Variants in KCTD8 observed in about 807,000 individuals in gnomAD.
KCTD8 encodes BTB/POZ domain-containing protein KCTD8.
In KCTD8, 27 loss-of-function variants were observed where a neutral mutation model predicts 31.5. That is an observed-to-expected ratio of 0.86 (90% CI 0.63 to 1.18). The LOEUF (loss-of-function observed/expected upper bound fraction) is 1.18, where lower values mean the gene tolerates loss of function less well. KCTD8 is among the 50% of genes most tolerant of loss of function. KCTD8 has a pLI of 0.00. For synonymous variants in KCTD8, 290 were observed against 280.0 expected, an observed-to-expected ratio of 1.04 and a Z score of -0.36; for missense variants, 658 against 647.7, an observed-to-expected ratio of 1.02 and a Z score of -0.17.
At chr4:44,393,156 T>C (rs149849527) in intron 1 of KCTD8, among the ~76,000 whole-genome samples, 2 of 152,118 alleles carry the variant, frequency 1.3e-5, no homozygotes, top group South Asian at 4.1e-4. Flanking sequence ...AGAGTACAGT[T>C]CTGTGGCCTT....
At chr4:44,230,297 G>T (rs1218040977) in intron 1 of KCTD8, among the ~76,000 whole-genome samples, 1 of 152,110 alleles carries the variant, frequency 6.6e-6, no homozygotes, top group East Asian at 1.9e-4. Context: ...AAAAGATGAA[G>T]GCCATTTGTT....
At chr4:44,264,979 AAGAT>A (rs1716298992) in intron 1 of KCTD8, among the ~76,000 whole-genome samples, 1 of 152,164 alleles carries the variant, frequency 6.6e-6, no homozygotes, top group South Asian at 2.1e-4. Flanking sequence ...GACAAACAAA[AAGAT>A]AGGAGTAACC....
At chr4:44,260,344 G>A (rs974327108) in intron 1 of KCTD8, among the ~76,000 whole-genome samples, 1 of 151,768 alleles carries the variant, frequency 6.6e-6, no homozygotes, top group African/African-American at 2.4e-5. Context: ...ACTGGAGATT[G>A]AGCAACGAGC....
intron 1 of KCTD8, among the ~76,000 whole-genome samples, chr4:44,329,162 C>CT (rs530685832): frequency 0.012 from 1,704 of 142,710 alleles, 31 homozygotes; most frequent in African/African-American, 0.032. Flanking sequence ...AAATCCTCCA[C>CT]TTTTTTTTTT....
chr4:44,400,923 A>C (rs913109049), intron 1 of KCTD8, among the ~76,000 whole-genome samples: 3 of 151,464 alleles, frequency 2.0e-5, no homozygotes, highest in African/African-American at 7.3e-5. Context: ...CACAGCCTTG[A>C]ACTCCTGGGC....
chr4:44,385,250 A>T (rs1439927979), intron 1 of KCTD8, among the ~76,000 whole-genome samples: 1 of 151,592 alleles, frequency 6.6e-6, no homozygotes, highest in Non-Finnish European at 1.5e-5. Flanking sequence ...ATCTCATGGG[A>T]CCTAAATAAC....
chr4:44,230,920 T>C (rs1161373379), intron 1 of KCTD8, among the ~76,000 whole-genome samples: 3 of 152,146 alleles, frequency 2.0e-5, no homozygotes, highest in Non-Finnish European at 4.4e-5. Flanking sequence ...TGGAAAATAA[T>C]GTGATTTCTG....
chr4:44,404,366 A>T (rs1292062723), intron 1 of KCTD8, among the ~76,000 whole-genome samples: 1 of 152,200 alleles, frequency 6.6e-6, no homozygotes, highest in East Asian at 1.9e-4. Flanking sequence ...TCTTCTATGT[A>T]CATAAGGGTT....
chr4:44,258,570 G>A (rs1403308018), intron 1 of KCTD8, among the ~76,000 whole-genome samples: 1 of 151,824 alleles, frequency 6.6e-6, no homozygotes, highest in Non-Finnish European at 1.5e-5. Flanking sequence ...TGCAAATGGA[G>A]GTGATTCAAC....
intron 1 of KCTD8, among the ~76,000 whole-genome samples, chr4:44,221,152 C>T (rs1180716077): frequency 6.6e-6 from 1 of 152,166 alleles, no homozygotes; most frequent in South Asian, 2.1e-4. Context: ...TCCAAATTCA[C>T]CCTTAAGTAC....
chr4:44,344,576 A>G (rs926283226), intron 1 of KCTD8, among the ~76,000 whole-genome samples: 2 of 152,152 alleles, frequency 1.3e-5, no homozygotes, highest in African/African-American at 4.8e-5. Flanking sequence ...ACAGGATTAG[A>G]TTTAGTTCCA....
chr4:44,423,271 T>C (rs1023994279), intron 1 of KCTD8, among the ~76,000 whole-genome samples: 5 of 152,110 alleles, frequency 3.3e-5, no homozygotes, highest in African/African-American at 7.2e-5. Flanking sequence ...TAAAGTAGAC[T>C]CATTTATTTT....
At chr4:44,177,482 C>A (rs1274727399) in intron 1 of KCTD8, among the ~76,000 whole-genome samples, 1 of 152,146 alleles carries the variant, frequency 6.6e-6, no homozygotes, top group Non-Finnish European at 1.5e-5. Flanking sequence ...TGAATTGTAA[C>A]TCCTACAACT....
rs1321559669 is a variant in KCTD8, at chr4:44,174,769, A to G, written c.*21T>C. 1.9e-6 allele frequency: 3 copies of G among 1,543,210 alleles called. No homozygotes were observed. Among genetic ancestry groups the G allele is most frequent in the Non-Finnish European group, 2.6e-6 (3 of 1,135,952 alleles). ...AGTAAACATTGAATGTCATCAAAAT[A>G]CTGCAGGAATGTGACAATTACTATA... is the stretch of plus-strand genomic sequence containing the variant. On this transcript the variant is annotated 3_prime_UTR_variant, in exon 2 of 2. Coordinates refer to ENST00000360029, the MANE Select transcript of KCTD8 (RefSeq NM_198353.3).
intron 1 of KCTD8, among the ~76,000 whole-genome samples, chr4:44,371,377 C>G (rs1345808832): frequency 6.6e-6 from 1 of 152,106 alleles, no homozygotes; most frequent in Non-Finnish European, 1.5e-5. Context: ...CCATTACAAC[C>G]ACAAAACTTT....
chr4:44,176,387 G>C, intron 1 of KCTD8, among the ~76,000 whole-genome samples: 1 of 152,158 alleles, frequency 6.6e-6, no homozygotes, highest in East Asian at 1.9e-4. Flanking sequence ...CAGACCTCCT[G>C]ATTTAATGGG....
chr4:44,316,652 T>TA (rs1560424422), intron 1 of KCTD8, among the ~76,000 whole-genome samples: 1 of 151,580 alleles, frequency 6.6e-6, no homozygotes, highest in African/African-American at 2.4e-5. Flanking sequence ...TTTGAATAGA[T>TA]AAAAAACAGG....
At chr4:44,279,842 G>T (rs1301767884) in intron 1 of KCTD8, among the ~76,000 whole-genome samples, 2 of 151,972 alleles carry the variant, frequency 1.3e-5, no homozygotes, top group Admixed American at 1.3e-4. Flanking sequence ...TGATATGTTG[G>T]CTTGTGTCTC....
intron 1 of KCTD8, among the ~76,000 whole-genome samples, chr4:44,339,843 C>G (rs993045512): frequency 6.6e-6 from 1 of 152,044 alleles, no homozygotes; most frequent in African/African-American, 2.4e-5. Flanking sequence ...CAGATAATTG[C>G]CAAATACTTG....
Sources: allele counts gnomAD v4.1 joint callset (sites outside exome capture counted in the v4.1 genomes callset), GRCh38; gene constraint gnomAD v4.1.1; transcripts MANE v1.5; gene names NCBI Gene and HGNC (gene_info 2026-07-23, HGNC 2026-07-21).